The following BRIX1 variants were observed in gnomAD, a reference collection of about 807,000 sequenced individuals.
BRIX1 encodes ribosome biogenesis protein BRX1 homolog.
In BRIX1, 15 loss-of-function variants were observed where a neutral mutation model predicts 44.0. The observed-to-expected ratio is 0.34, with a 90% CI of 0.23 to 0.53. The LOEUF (loss-of-function observed/expected upper bound fraction) is 0.53. Ranked by LOEUF, BRIX1 falls within the 20% of genes least tolerant of loss-of-function variation. The pLI is 0.95. For missense variants in BRIX1, 420 were observed against 432.8 expected, an observed-to-expected ratio of 0.97 and a Z score of 0.26; for synonymous variants, 149 against 135.4, an observed-to-expected ratio of 1.10 and a Z score of -0.70.
At chr5:34,916,710 G>A (rs553602650) in intron 1 of BRIX1, 2 of 152,332 alleles carry the variant, frequency 1.3e-5, no homozygotes, top group Admixed American at 1.3e-4. Context: ...ACTTAGCATA[G>A]TACTCTAGCG....
At chr5:34,922,460 ATAT>A (rs1764262224) in intron 4 of BRIX1, 76 bp from the exon 5 acceptor site, 1 of 972,008 alleles carries the variant, frequency 1.0e-6, no homozygotes, top group African/African-American at 1.7e-5. Context: ...TATTATAAGC[ATAT>A]TATTTATGGT....
intron 2 of BRIX1, 102 bp downstream of exon 2, chr5:34,918,577 G>T (rs963606944): frequency 1.6e-6 from 1 of 628,278 alleles, no homozygotes; most frequent in East Asian, 3.3e-5. Context: ...GTGTTCTCAC[G>T]AAAAAAACAC....
chr5:34,917,228 T>A (rs1003621702), intron 1 of BRIX1, among the ~76,000 whole-genome samples: 37 of 152,290 alleles, frequency 2.4e-4, no homozygotes, highest in African/African-American at 8.9e-4. Flanking sequence ...TAGGCTTCAT[T>A]TGGGGCAATA....
chr5:34,920,750 A>G (rs1718037232), intron 3 of BRIX1: 1 of 152,218 alleles, frequency 6.6e-6, no homozygotes, highest in Non-Finnish European at 1.5e-5. Flanking sequence ...GCTAGAGAAA[A>G]TGGCAACTAC....
Position 34,925,527 on chromosome 5 carries a change from CTTTATA to C in BRIX1, c.*38_*43del, listed in dbSNP as rs776316078. On this transcript the variant is annotated 3_prime_UTR_variant, in exon 10 of 10. Coordinates refer to ENST00000336767, the MANE Select transcript of BRIX1 (RefSeq NM_018321.4). The stretch of plus-strand genomic sequence containing the variant: ...GGAAACCTGATTTGTTTTTCAGTTA[CTTTATA>C]TTTATTTTGTATTCAATGTGTAAAT... 6.7e-5 allele frequency: 105 copies of C among 1,574,248 alleles called. No individual in the cohort carries two copies. Among genetic ancestry groups the C allele is most frequent in the Non-Finnish European group, 7.9e-5 (91 of 1,158,526 alleles).
intron 1 of BRIX1, among the ~76,000 whole-genome samples, chr5:34,917,352 G>C (rs776488417): frequency 5.9e-5 from 9 of 152,136 alleles, no homozygotes; most frequent in Non-Finnish European, 4.4e-5. Flanking sequence ...CTTTAAAAAT[G>C]GTCCAGCGTG....
intron 6 of BRIX1, 51 bp downstream of exon 6, chr5:34,922,819 T>G (rs188059901): frequency 1.1e-5 from 16 of 1,506,932 alleles, no homozygotes; most frequent in Non-Finnish European, 1.5e-5. Context: ...CTGGCATGGT[T>G]GTTTTTAGTA....
Position 34,924,994 on chromosome 5 carries a change from C to G in BRIX1, c.792+19C>G. The G allele has an allele frequency of 6.2e-7, 1 of 1,609,824 alleles. No individual in the cohort carries two copies. The highest frequency in any genetic ancestry group is 8.5e-7 in the Non-Finnish European group (1 of 1,178,628). On this transcript the variant is annotated intron_variant, in intron 9 of 9. Coordinates refer to ENST00000336767, the MANE Select transcript of BRIX1 (RefSeq NM_018321.4). Reference sequence around the variant, plus strand: ...AAACATGGTAAGCGGTTGTGTCATTCAGTAGTCTTCAATGTACCAGAACCC... The same window carrying G: ...AAACATGGTAAGCGGTTGTGTCATTGAGTAGTCTTCAATGTACCAGAACCC...
At chr5:34,916,350 C>T (rs1764090391) in intron 1 of BRIX1, 1 of 153,968 alleles carries the variant, frequency 6.5e-6, no homozygotes, top group Non-Finnish European at 1.4e-5. Flanking sequence ...GCCCTTGGGA[C>T]TGTGACTCTG....
intron 1 of BRIX1, 144 bp downstream of exon 1, chr5:34,916,041 G>C: frequency 1.1e-6 from 1 of 948,880 alleles, no homozygotes; most frequent in Non-Finnish European, 1.5e-6. Context: ...CTCCCGGCCA[G>C]ACTGGGCACG....
In BRIX1 at chr5:34,919,888, T is replaced by C. The variant is rs190773377; in HGVS notation, c.315+5T>C. ...AAGCTATTTGTGATTAACGAGGTAA[T>C]TTTGGAAAGTAATTGCAACAAAATA... On this transcript the variant is annotated splice_donor_5th_base_variant and intron_variant, in intron 3 of 9. Coordinates refer to ENST00000336767, the MANE Select transcript of BRIX1 (RefSeq NM_018321.4). 3.1e-5 allele frequency: 35 copies of C among 1,120,682 alleles called. No individual in the cohort carries two copies. The East Asian group carries it at 8.4e-4, about 27-fold the overall frequency. 69.4% of individuals were successfully genotyped at this position (1,120,682 alleles called of 1,614,324 possible). A position where few individuals can be genotyped will look rare whatever the true frequency, so the allele number is the denominator to read the frequency against.
At chr5:34,924,188 C>T (rs144967842) in intron 8 of BRIX1, among the ~76,000 whole-genome samples, 181 of 152,140 alleles carry the variant, frequency 1.2e-3, no homozygotes, top group African/African-American at 4.2e-3. Flanking sequence ...GAGTTTGGCA[C>T]GATAAGTGCA....
intron 1 of BRIX1, chr5:34,916,673 T>G: frequency 6.6e-6 from 1 of 152,258 alleles, no homozygotes; most frequent in East Asian, 1.9e-4. Context: ...AAGGATTATC[T>G]TTGACATTAA....
At chr5:34,924,765 C>CA (rs1764316113) in intron 8 of BRIX1, 82 bp from the exon 9 acceptor site, 1 of 834,478 alleles carries the variant, frequency 1.2e-6, no homozygotes, top group Admixed American at 2.3e-5. Flanking sequence ...ATTTCAGGCA[C>CA]ATTTATAATG....
In BRIX1 at chr5:34,923,069, T is replaced by C; in HGVS notation, c.561+18T>C. The stretch of plus-strand genomic sequence containing the variant: ...TAATTCAGGTAAATATCTTTAAAAT[T>C]AGCTATCCAAAATATACATGATATA... On this transcript the variant is annotated intron_variant, in intron 7 of 9. Transcript: ENST00000336767. The C allele has an allele frequency of 6.4e-7, 1 of 1,567,844 alleles. No homozygotes were observed. Among genetic ancestry groups the C allele is most frequent in the Non-Finnish European group, 8.8e-7 (1 of 1,138,654 alleles).
At chr5:34,924,641 G>A (rs1197704280) in intron 8 of BRIX1, among the ~76,000 whole-genome samples, 12 of 152,092 alleles carry the variant, frequency 7.9e-5, no homozygotes, top group African/African-American at 2.9e-4. Flanking sequence ...AGAACTCACT[G>A]AAAAAACATT....
Position 34,922,563 on chromosome 5 carries a change from A to C in BRIX1, c.411A>C (p.Pro137=). 6.2e-7 allele frequency: 1 copy of C among 1,609,676 alleles called. No homozygotes were observed. Among genetic ancestry groups the C allele is most frequent in the Non-Finnish European group, 8.5e-7 (1 of 1,176,196 alleles). The part of the protein sequence containing the change: ...YMWLSNSPHG[P]SAKFLVQNIH... ...GGCTTTCAAATTCACCTCACGGACC[A>C]TCTGCTAAATTCCTTGTTCAAAATA... Residue 137 remains proline (P), a synonymous_variant, in exon 5 of 10, where the codon CCA becomes CCC. Coordinates refer to ENST00000336767, the MANE Select transcript of BRIX1 (RefSeq NM_018321.4).
chr5:34,922,676 TTTG>T lies in BRIX1; in HGVS notation c.437-14_437-12del, dbSNP rs763598748. On this transcript the variant is annotated splice_polypyrimidine_tract_variant and intron_variant, in intron 5 of 9. Coordinates refer to ENST00000336767, the MANE Select transcript of BRIX1 (RefSeq NM_018321.4). ...TGCAAAAGTTACAACTATTTTTGTTTTTGTTGTAATTTTTCTAGTTCATACCCT... is the reference window on the plus strand; with the variant it reads ...TGCAAAAGTTACAACTATTTTTGTTTTTGTAATTTTTCTAGTTCATACCCT... 4 of 1,610,476 alleles carry T rather than the reference TTTG, an allele frequency of 2.5e-6. No homozygotes were observed. The highest frequency in any genetic ancestry group is 3.4e-6 in the Non-Finnish European group (4 of 1,177,304).
chr5:34,915,941 G>A (rs925425211), intron 1 of BRIX1, 44 bp downstream of exon 1: 2 of 1,494,070 alleles, frequency 1.3e-6, no homozygotes, highest in Admixed American at 2.6e-5. Flanking sequence ...CGGCGGCTCT[G>A]TGCGCCTTTT....
Sources: gnomAD v4.1 joint callset for allele counts (sites outside exome capture counted in the v4.1 genomes callset) on GRCh38, gnomAD v4.1.1 for gene constraint, MANE v1.5 for transcripts, NCBI Gene and HGNC (gene_info 2026-07-23, HGNC 2026-07-21) for gene names.